DCP1B: variants seen among roughly 807,000 people sequenced by gnomAD.
DCP1B encodes decapping mRNA 1B.
A neutral mutation model predicts 60.5 loss-of-function variants in DCP1B; 47 were observed. The ratio of observed to expected loss-of-function variants is 0.78; its 90% CI spans 0.61 to 0.99. The LOEUF (loss-of-function observed/expected upper bound fraction) is 0.99, where lower values mean the gene tolerates loss of function less well. DCP1B is among the 50% of genes least tolerant of loss of function. The probability of loss-of-function intolerance (pLI) is 0.00; values close to 1 mark genes in which losing one functional copy is unlikely to be tolerated. For missense variants in DCP1B, 725 were observed against 756.8 expected (o/e 0.96, Z 0.49); for synonymous variants, 267 against 280.3 (o/e 0.95, Z 0.47).
chr12:1,981,526 A>G (rs556157655), intron 3 of DCP1B, among the ~76,000 whole-genome samples: 10 of 152,350 alleles, frequency 6.6e-5, no homozygotes, highest in African/African-American at 2.4e-4. Flanking sequence ...ACAACTAGTA[A>G]TTGCCTTTAT....
intron 3 of DCP1B, among the ~76,000 whole-genome samples, chr12:1,985,501 C>T (rs938729849): frequency 1.3e-5 from 2 of 152,116 alleles, no homozygotes; most frequent in Non-Finnish European, 2.9e-5. Flanking sequence ...CCATTCTTTT[C>T]AAGAGTATCC....
At position 1,982,082 on chromosome 12, in the gene DCP1B, C is replaced by T. The variant is rs562492948; in HGVS notation, c.319+11182G>A. Among the ~76,000 whole-genome samples the T allele has an allele frequency of 2.6e-5, 4 of 152,044 alleles. No individual in the cohort carries two copies. In the South Asian group the frequency reaches 6.2e-4, roughly 24 times the overall value. ...TGAGAAGGAAAGCAAATTAATTAGG[C>T]TTGTGCTACAGGAAGATAAATCCAG... On this transcript the variant is annotated intron_variant, in intron 3 of 8. Coordinates refer to ENST00000280665, the MANE Select transcript of DCP1B (RefSeq NM_152640.5).
chr12:1,994,138 C>T (rs148595606), intron 2 of DCP1B, among the ~76,000 whole-genome samples: 45 of 152,310 alleles, frequency 3.0e-4, no homozygotes, highest in African/African-American at 7.7e-4. Context: ...TGAGTATAAA[C>T]TCTAACAACT....
intron 3 of DCP1B, among the ~76,000 whole-genome samples, chr12:1,981,465 C>T (rs1200946946): frequency 1.3e-5 from 2 of 152,204 alleles, no homozygotes; most frequent in African/African-American, 2.4e-5. Flanking sequence ...GGTGCCTGCA[C>T]TCTAACAGAG....
intron 3 of DCP1B, among the ~76,000 whole-genome samples, chr12:1,980,324 C>T (rs1592995827): frequency 6.6e-6 from 1 of 152,154 alleles, no homozygotes; most frequent in African/African-American, 2.4e-5. Context: ...TTCAAAGTAC[C>T]TGAGGAATCA....
At chr12:1,999,149 A>G (rs2041607517) in intron 1 of DCP1B, among the ~76,000 whole-genome samples, 1 of 152,344 alleles carries the variant, frequency 6.6e-6, no homozygotes, top group East Asian at 1.9e-4. Flanking sequence ...CTACTGAATC[A>G]GAAACTCTGG....
chr12:1,958,459 C>T (rs1189632114), intron 5 of DCP1B, among the ~76,000 whole-genome samples: 17 of 135,804 alleles, frequency 1.3e-4, no homozygotes, highest in East Asian at 4.7e-4. Context: ...TCCCTAACGT[C>T]GCTCTGGGCA....
chr12:1,955,594 C>G (rs1565763214), intron 5 of DCP1B, 34 bp from the exon 6 acceptor site: 1 of 1,591,922 alleles, frequency 6.3e-7, no homozygotes. Context: ...TCATTTTTGG[C>G]TTAGAAAAGC....
chr12:1,975,553 C>G (rs1262976059), intron 3 of DCP1B, among the ~76,000 whole-genome samples: 1 of 151,790 alleles, frequency 6.6e-6, no homozygotes, highest in African/African-American at 2.4e-5. Flanking sequence ...GTTTTGGAAC[C>G]CAGCTTTTCT....
chr12:1,963,847 AG>A (rs1477588104), intron 5 of DCP1B, among the ~76,000 whole-genome samples: 1 of 152,250 alleles, frequency 6.6e-6, no homozygotes, highest in African/African-American at 2.4e-5. Context: ...GGCAAGAGTG[AG>A]AAACTCTATT....
chr12:1,991,051 G>A lies in DCP1B; in HGVS notation c.319+2213C>T, dbSNP rs1486855408. 1.3e-5 allele frequency: 6 copies of A among 451,232 alleles called. No individual in the cohort carries two copies. The East Asian group carries it at 2.8e-4, about 21-fold the overall frequency. 28.0% of individuals were successfully genotyped at this position (451,232 alleles called of 1,614,324 possible). A position where few individuals can be genotyped will look rare whatever the true frequency, so the allele number is the denominator to read the frequency against. ...GATCCATTCCCTTTCACTCTTTGTT[G>A]TTCAACTGATTCTATTTCTTTTGTA... On this transcript the variant is annotated intron_variant, in intron 3 of 8. Transcript: ENST00000280665.
chr12:1,976,394 A>T (rs2034371904), intron 3 of DCP1B, among the ~76,000 whole-genome samples: 1 of 152,184 alleles, frequency 6.6e-6, no homozygotes. Context: ...CATTAAATGC[A>T]GGCTTAAAAG....
intron 4 of DCP1B, 132 bp from the exon 5 acceptor site, chr12:1,965,825 T>A: frequency 8.4e-7 from 1 of 1,196,398 alleles, no homozygotes. Context: ...TGCTTAGGAA[T>A]TTAAAGGAGA....
At chr12:1,984,283 G>A (rs1004342293) in intron 3 of DCP1B, among the ~76,000 whole-genome samples, 1 of 151,786 alleles carries the variant, frequency 6.6e-6, no homozygotes, top group Non-Finnish European at 1.5e-5. Flanking sequence ...TTTGTTTAAT[G>A]TTTGTCATGT....
chr12:1,998,777 C>T (rs2041512914), intron 1 of DCP1B, among the ~76,000 whole-genome samples: 1 of 152,166 alleles, frequency 6.6e-6, no homozygotes, highest in African/African-American at 2.4e-5. Context: ...GTTTGACTAA[C>T]CACGAACCAG....
chr12:1,963,559 C>T (rs2031197729), intron 5 of DCP1B, among the ~76,000 whole-genome samples: 1 of 152,150 alleles, frequency 6.6e-6, no homozygotes, highest in Non-Finnish European at 1.5e-5. Context: ...TTCTCATTAC[C>T]AGGAACTCAT....
chr12:1,952,577 T>A lies in DCP1B; in HGVS notation c.1363A>T (p.Lys455Ter). Residue 455 changes from lysine to a stop codon, truncating the protein, a stop_gained, in exon 7 of 9, where the codon AAG (lysine) becomes TAG (stop). Coordinates refer to ENST00000280665, the MANE Select transcript of DCP1B (RefSeq NM_152640.5). LOFTEE classifies it high-confidence loss of function. Reference sequence around the variant, plus strand: ...TGCTCCTGCTGTACAATCTGAAGCTTCTTCAGTAACTCTTGAGGGGAGATC... The same window carrying A: ...TGCTCCTGCTGTACAATCTGAAGCTACTTCAGTAACTCTTGAGGGGAGATC... Reference protein sequence around the residue: ...GVISPQELLKKLQIVQQEQQL... With the variant: ...GVISPQELLK 1.2e-6 allele frequency: 2 copies of A among 1,614,198 alleles called. No individual in the cohort carries two copies. Among genetic ancestry groups the A allele is most frequent in the Non-Finnish European group, 1.7e-6 (2 of 1,180,018 alleles).
intron 3 of DCP1B, among the ~76,000 whole-genome samples, chr12:1,975,926 A>G (rs1396078215): frequency 3.3e-5 from 5 of 152,144 alleles, no homozygotes; most frequent in Non-Finnish European, 7.4e-5. Flanking sequence ...CAGGGTGAAG[A>G]GAAGGGTTGT....
rs1265343905 is a variant in DCP1B at position 1,962,015 on chromosome 12, G to A, written c.522+3543C>T. Among the ~76,000 whole-genome samples, 2 of 152,146 alleles carry A rather than the reference G, an allele frequency of 1.3e-5. No homozygotes were observed. Among genetic ancestry groups the A allele is most frequent in the Non-Finnish European group, 2.9e-5 (2 of 68,020 alleles). Reference sequence around the variant, plus strand: ...GTCCTGGAGACAAGAGGCATGCCACGCTGCACAGGGCCACGTGTGGAAGCC... The same window carrying A: ...GTCCTGGAGACAAGAGGCATGCCACACTGCACAGGGCCACGTGTGGAAGCC... On this transcript the variant is annotated intron_variant, in intron 5 of 8. Transcript: ENST00000280665. The surrounding 1 kb of genome is among the most constrained non-coding windows in gnomAD (Gnocchi z 4.4).
Sources: allele counts gnomAD v4.1 joint callset (sites outside exome capture counted in the v4.1 genomes callset), GRCh38; gene constraint gnomAD v4.1.1; non-coding constraint Gnocchi (gnomAD v3.1); transcripts MANE v1.5; gene names NCBI Gene and HGNC (gene_info 2026-07-23, HGNC 2026-07-21).